SND1: variants seen among roughly 807,000 people sequenced by gnomAD.
The protein encoded by SND1 is staphylococcal nuclease and tudor domain containing 1.
In SND1, 38 loss-of-function variants were observed where a neutral mutation model predicts 121.7. The ratio of observed to expected loss-of-function variants is 0.31; its 90% CI spans 0.24 to 0.41. The LOEUF (loss-of-function observed/expected upper bound fraction) is 0.41, where lower values mean the gene tolerates loss of function less well. SND1 is among the 10% of genes least tolerant of loss of function. The probability of loss-of-function intolerance (pLI) is 1.00; values close to 1 mark genes in which losing one functional copy is unlikely to be tolerated. For synonymous variants in SND1, 401 were observed against 447.4 expected (o/e 0.90, Z 1.31); for missense variants, 868 against 1,184.6 (o/e 0.73, Z 3.92).
Position 128,015,143 on chromosome 7 carries a change from A to G in SND1, c.1779+24087A>G, listed in dbSNP as rs1803199149. ...CCAACCTTGATTCACAGTAGTGCAG[A>G]TGGCCCCAGCCATACCCAGGGATGT... On this transcript the variant is annotated intron_variant, in intron 16 of 23. Transcript: ENST00000354725. The surrounding 1 kb of genome is among the most constrained non-coding windows in gnomAD (Gnocchi z 4.5). Among the ~76,000 whole-genome samples the G allele has an allele frequency of 6.6e-6, 1 of 152,154 alleles. No individual in the cohort carries two copies. The highest frequency in any genetic ancestry group is 2.4e-5 in the African/African-American group (1 of 41,416).
At chr7:128,044,084 T>A (rs1584758859) in intron 16 of SND1, among the ~76,000 whole-genome samples, 1 of 152,190 alleles carries the variant, frequency 6.6e-6, no homozygotes, top group South Asian at 2.1e-4. Flanking sequence ...AGCCAAGGAC[T>A]TTACCCAAGA....
intron 1 of SND1, among the ~76,000 whole-genome samples, chr7:127,656,167 T>C (rs1239751212): frequency 2.0e-5 from 3 of 152,182 alleles, no homozygotes; most frequent in African/African-American, 7.2e-5. Context: ...GGACTTGTGC[T>C]GTCAGGTTGT....
chr7:127,883,495 T>A (rs1289776902), intron 12 of SND1, among the ~76,000 whole-genome samples: 1 of 152,170 alleles, frequency 6.6e-6, no homozygotes, highest in Non-Finnish European at 1.5e-5. Context: ...AAGTTGCACA[T>A]AACTGTACAA....
intron 16 of SND1, chr7:128,027,351 A>G (rs1436232085): frequency 6.7e-6 from 1 of 148,818 alleles, no homozygotes; most frequent in Non-Finnish European, 1.5e-5. Flanking sequence ...AGTGTGCTCC[A>G]TTCAACAGTA....
intron 15 of SND1, among the ~76,000 whole-genome samples, chr7:127,979,554 G>A (rs1298077186): frequency 6.6e-6 from 1 of 152,176 alleles, no homozygotes; most frequent in African/African-American, 2.4e-5. Context: ...AACAGAGCAG[G>A]TGACCAAGGA....
rs1399505834 is a variant in SND1 at position 128,015,390 on chromosome 7, C to T, written c.1779+24334C>T. 1.3e-5 allele frequency among the ~76,000 whole-genome samples: 2 copies of T among 152,200 alleles called. No homozygotes were observed. Among genetic ancestry groups the T allele is most frequent in the South Asian group, 2.1e-4 (1 of 4,832 alleles). The stretch of plus-strand genomic sequence containing the variant: ...GAAAACACTTTCCAGCCTTCATCAG[C>T]GCTAATCTGTTTTTGAAAATGGCCT... On this transcript the variant is annotated intron_variant, in intron 16 of 23. Transcript: ENST00000354725. The surrounding 1 kb of genome is among the most constrained non-coding windows in gnomAD (Gnocchi z 4.5).
At chr7:127,718,073 G>A (rs987447395) in intron 9 of SND1, among the ~76,000 whole-genome samples, 1 of 152,132 alleles carries the variant, frequency 6.6e-6, no homozygotes, top group African/African-American at 2.4e-5. Flanking sequence ...AAGAAATGGG[G>A]AGGGAATTGG....
At chr7:127,748,326 C>T (rs550430180) in intron 10 of SND1, among the ~76,000 whole-genome samples, 1 of 152,282 alleles carries the variant, frequency 6.6e-6, no homozygotes, top group African/African-American at 2.4e-5. Flanking sequence ...TGCTTGTGTA[C>T]AAGGTACTGT....
chr7:128,063,558 C>A (rs1401214403), intron 16 of SND1, among the ~76,000 whole-genome samples: 1 of 152,344 alleles, frequency 6.6e-6, no homozygotes, highest in African/African-American at 2.4e-5. Flanking sequence ...CAGGGACTTT[C>A]CTTCTCCCAC....
At chr7:127,909,670 G>A (rs1223625516) in intron 14 of SND1, among the ~76,000 whole-genome samples, 1 of 152,076 alleles carries the variant, frequency 6.6e-6, no homozygotes, top group Non-Finnish European at 1.5e-5. Context: ...GGCCTCAAGT[G>A]ATCCTCCCAC....
chr7:127,705,882 G>T (rs698408), intron 8 of SND1, among the ~76,000 whole-genome samples: 2 of 152,060 alleles, frequency 1.3e-5, no homozygotes, highest in Non-Finnish European at 2.9e-5. Flanking sequence ...GCTAAGAGAT[G>T]TGCAACGACG....
intron 16 of SND1, among the ~76,000 whole-genome samples, chr7:128,032,585 A>G (rs1320511592): frequency 6.6e-6 from 1 of 151,742 alleles, no homozygotes; most frequent in Non-Finnish European, 1.5e-5. Flanking sequence ...AGCGGGGCTC[A>G]GGGGCCCGGC....
At chr7:127,949,047 T>A (rs1317443184) in intron 15 of SND1, 1 of 152,266 alleles carries the variant, frequency 6.6e-6, no homozygotes, top group Non-Finnish European at 1.5e-5. Context: ...TTGCCAATAC[T>A]GCTTATGTGC....
chr7:127,895,852 G>C (rs895521906), intron 13 of SND1, among the ~76,000 whole-genome samples: 1 of 152,006 alleles, frequency 6.6e-6, no homozygotes, highest in Non-Finnish European at 1.5e-5. Context: ...ATATTAAGAG[G>C]ATCTGTTCAC....
At chr7:127,843,235 T>C (rs1798996884) in intron 11 of SND1, among the ~76,000 whole-genome samples, 1 of 152,200 alleles carries the variant, frequency 6.6e-6, no homozygotes, top group African/African-American at 2.4e-5. Flanking sequence ...TGAGCCTACC[T>C]TAACACATCA....
chr7:127,709,850 A>G (rs931766984), intron 9 of SND1, among the ~76,000 whole-genome samples: 14 of 152,232 alleles, frequency 9.2e-5, no homozygotes, highest in South Asian at 4.1e-4. Flanking sequence ...GTAGAGAGAA[A>G]TGGGAAAAGA....
chr7:128,005,312 A>G (rs1178353225), intron 16 of SND1, among the ~76,000 whole-genome samples: 2 of 152,160 alleles, frequency 1.3e-5, no homozygotes, highest in African/African-American at 4.8e-5. Flanking sequence ...TCTTCATGCC[A>G]CACTCACATG....
intron 6 of SND1, 145 bp from the exon 7 acceptor site, chr7:127,703,020 G>T: frequency 1.3e-6 from 1 of 795,168 alleles, no homozygotes; most frequent in Non-Finnish European, 2.1e-6. Context: ...TTTTACCAGT[G>T]TGTTTTAAAT....
chr7:127,792,088 A>C (rs1237213955), intron 10 of SND1, among the ~76,000 whole-genome samples: 4 of 152,182 alleles, frequency 2.6e-5, no homozygotes, highest in African/African-American at 9.7e-5. Context: ...GATTAGACAC[A>C]TACTGTGACT....
Sources: allele counts gnomAD v4.1 joint callset (sites outside exome capture counted in the v4.1 genomes callset), GRCh38; gene constraint gnomAD v4.1.1; non-coding constraint Gnocchi (gnomAD v3.1); transcripts MANE v1.5; gene names NCBI Gene and HGNC (gene_info 2026-07-23, HGNC 2026-07-21).